TRPC5: variants seen among roughly 807,000 people sequenced by gnomAD.
The protein encoded by TRPC5 is transient receptor potential cation channel subfamily C member 5.
A neutral mutation model predicts 56.5 loss-of-function variants in TRPC5; 9 were observed. The ratio of observed to expected loss-of-function variants is 0.16; its 90% CI spans 0.10 to 0.28. TRPC5 has a LOEUF of 0.28. Ranked by LOEUF, TRPC5 falls within the 10% of genes least tolerant of loss-of-function variation. The pLI is 1.00. For missense variants in TRPC5, 469 were observed against 748.9 expected, an observed-to-expected ratio of 0.63 and a Z score of 4.36; for synonymous variants, 282 against 278.5, an observed-to-expected ratio of 1.01 and a Z score of -0.13.
intron 1 of TRPC5, among the ~76,000 whole-genome samples, chrX:112,003,461 GGAGTACACA>G (rs999485208): frequency 8.1e-5 from 9 of 110,812 alleles, no homozygotes; most frequent in Non-Finnish European, 1.3e-4. Flanking sequence ...CAGGGTGGCT[GGAGTACACA>G]GAGCAAGGAA....
intron 1 of TRPC5, among the ~76,000 whole-genome samples, chrX:111,977,352 G>A (rs1031676916): frequency 9.0e-6 from 1 of 111,387 alleles, no homozygotes; most frequent in Non-Finnish European, 1.9e-5. Context: ...ACTGATCTTC[G>A]GAGTGTCAAA....
intron 2 of TRPC5, 29 bp downstream of exon 2, chrX:111,952,014 A>G: frequency 8.5e-7 from 1 of 1,178,603 alleles, no homozygotes; most frequent in Middle Eastern, 3.0e-4. Context: ...GTGCCTGGCT[A>G]TTTCCCAGCC....
intron 2 of TRPC5, among the ~76,000 whole-genome samples, chrX:111,923,872 G>A (rs965098606): frequency 7.1e-5 from 8 of 112,339 alleles, no homozygotes; most frequent in Middle Eastern, 4.2e-3. Flanking sequence ...GAAGGAAGCC[G>A]TACTCTACCA....
At chrX:111,864,040 G>T (rs1227063472) in intron 3 of TRPC5, among the ~76,000 whole-genome samples, 1 of 111,180 alleles carries the variant, frequency 9.0e-6, no homozygotes, top group African/African-American at 3.3e-5. Context: ...AGGCTGGAGT[G>T]CAGTGGCGCG....
intron 3 of TRPC5, among the ~76,000 whole-genome samples, chrX:111,870,970 A>G (rs1041134255): frequency 8.9e-6 from 1 of 111,912 alleles, no homozygotes; most frequent in Admixed American, 9.5e-5. Flanking sequence ...TTACATTTAT[A>G]GGAAAGCTTG....
At chrX:111,987,653 G>A (rs189249345) in intron 1 of TRPC5, among the ~76,000 whole-genome samples, 13 of 111,627 alleles carry the variant, frequency 1.2e-4, no homozygotes, top group African/African-American at 3.9e-4. Flanking sequence ...CCATGTTGTC[G>A]CAATTGACAG....
At chrX:111,949,883 A>G (rs892939132) in intron 2 of TRPC5, among the ~76,000 whole-genome samples, 2 of 111,948 alleles carry the variant, frequency 1.8e-5, no homozygotes, top group African/African-American at 6.5e-5. Flanking sequence ...TACGAAAAAG[A>G]TAATTGCACA....
intron 7 of TRPC5, among the ~76,000 whole-genome samples, chrX:111,794,952 A>T (rs1946048451): frequency 9.0e-6 from 1 of 111,556 alleles, no homozygotes; most frequent in Non-Finnish European, 1.9e-5. Flanking sequence ...GTTACCAATG[A>T]TTTATTGCTA....
chrX:112,065,110 A>G lies in TRPC5; in HGVS notation c.-22+16769T>C, dbSNP rs776947211. Among the ~76,000 whole-genome samples, 3 of 109,774 alleles carry G rather than the reference A, an allele frequency of 2.7e-5. No homozygotes were observed. The South Asian group carries it at 1.2e-3, about 43-fold the overall frequency. On this transcript the variant is annotated intron_variant, in intron 1 of 10. Coordinates refer to ENST00000262839, the MANE Select transcript of TRPC5 (RefSeq NM_012471.3). ...AAAAAAAAACAAAAAGGTTATTTTCATTCACACATTCACACACTTGGTTTC... is the reference window on the plus strand; with the variant it reads ...AAAAAAAAACAAAAAGGTTATTTTCGTTCACACATTCACACACTTGGTTTC...
chrX:111,962,262 C>A (rs866276888), intron 1 of TRPC5, among the ~76,000 whole-genome samples: 1 of 112,148 alleles, frequency 8.9e-6, no homozygotes, highest in Non-Finnish European at 1.9e-5. Flanking sequence ...CAGAAGTGAA[C>A]CTCAGTTTCT....
chrX:111,842,876 G>C (rs559424415), intron 6 of TRPC5, among the ~76,000 whole-genome samples: 6 of 111,803 alleles, frequency 5.4e-5, no homozygotes, highest in South Asian at 3.8e-4. Flanking sequence ...AGTCATCCTG[G>C]GGGGGCAGGG....
chrX:111,838,688 A>T (rs1232981334), intron 6 of TRPC5, among the ~76,000 whole-genome samples: 2 of 112,059 alleles, frequency 1.8e-5, no homozygotes, highest in Non-Finnish European at 3.8e-5. Context: ...GATTCAAGAA[A>T]ACTTGATATT....
chrX:111,956,306 AC>A (rs1238614148), intron 1 of TRPC5, among the ~76,000 whole-genome samples: 1 of 110,893 alleles, frequency 9.0e-6, no homozygotes, highest in Non-Finnish European at 1.9e-5. Flanking sequence ...AAATGGTAAA[AC>A]CCTTGTGACC....
intron 2 of TRPC5, among the ~76,000 whole-genome samples, chrX:111,927,483 A>G (rs1235570407): frequency 8.9e-6 from 1 of 112,145 alleles, no homozygotes; most frequent in African/African-American, 3.2e-5. Flanking sequence ...CTCTATGGCT[A>G]GAAACAGGAT....
At chrX:112,080,511 G>A (rs1010681859) in intron 1 of TRPC5, among the ~76,000 whole-genome samples, 1 of 110,041 alleles carries the variant, frequency 9.1e-6, no homozygotes, top group African/African-American at 3.3e-5. Flanking sequence ...CCAAAATGTG[G>A]ATTTTAGGTG....
At chrX:112,017,372 A>C (rs1156387469) in intron 1 of TRPC5, among the ~76,000 whole-genome samples, 1 of 111,225 alleles carries the variant, frequency 9.0e-6, no homozygotes, top group African/African-American at 3.3e-5. Context: ...AGAGAAGCCC[A>C]GAGTGGTGGC....
intron 7 of TRPC5, among the ~76,000 whole-genome samples, chrX:111,825,146 C>CCTTCCTTCCTTCCTTT (rs1922158948): frequency 6.7e-5 from 4 of 59,389 alleles, no homozygotes; most frequent in African/African-American, 2.1e-4. Context: ...TTCCTTCCTT[C>CCTTCCTTCCTTCCTTT]CTTTCTTTCT....
At chrX:111,926,188 C>T (rs181698535) in intron 2 of TRPC5, among the ~76,000 whole-genome samples, 1 of 110,937 alleles carries the variant, frequency 9.0e-6, no homozygotes, top group East Asian at 2.9e-4. Flanking sequence ...ATTTCCCAAC[C>T]CACCTGAGGA....
intron 3 of TRPC5, among the ~76,000 whole-genome samples, chrX:111,872,832 T>C (rs1603066865): frequency 8.9e-6 from 1 of 112,095 alleles, no homozygotes; most frequent in East Asian, 2.8e-4. Flanking sequence ...CCAGTCAGAA[T>C]GGCGATTATT....
Sources: gnomAD v4.1 joint callset for allele counts (sites outside exome capture counted in the v4.1 genomes callset) on GRCh38, gnomAD v4.1.1 for gene constraint, MANE v1.5 for transcripts, NCBI Gene and HGNC (gene_info 2026-07-23, HGNC 2026-07-21) for gene names.